The following CCDC88C variants were observed in gnomAD, a reference collection of about 807,000 sequenced individuals.
CCDC88C encodes the protein coiled-coil and HOOK domain protein 88C.
A neutral mutation model predicts 198.8 loss-of-function variants in CCDC88C; 131 were observed. The ratio of observed to expected loss-of-function variants is 0.66; its 90% CI spans 0.57 to 0.76. The LOEUF (loss-of-function observed/expected upper bound fraction) is 0.76, where lower values mean the gene tolerates loss of function less well. Ranked by LOEUF, CCDC88C falls within the 30% of genes least tolerant of loss-of-function variation. CCDC88C has a pLI of 0.00. For synonymous variants in CCDC88C, 1,166 were observed against 1,114.7 expected, an observed-to-expected ratio of 1.05 and a Z score of -0.92; for missense variants, 2,553 against 2,631.6, an observed-to-expected ratio of 0.97 and a Z score of 0.65.
At chr14:91,417,452 G>A (rs1011203193) in intron 1 of CCDC88C, 179 bp downstream of exon 1, 1 of 580,966 alleles carries the variant, frequency 1.7e-6, no homozygotes, top group Non-Finnish European at 3.0e-6. Flanking sequence ...GCCGGCTCCA[G>A]AGTTACAAAG....
intron 6 of CCDC88C, among the ~76,000 whole-genome samples, chr14:91,341,217 C>T (rs918049364): frequency 5.9e-5 from 9 of 152,088 alleles, no homozygotes; most frequent in African/African-American, 1.4e-4. Flanking sequence ...ATTGAGAGGC[C>T]GGTTCTAGGC....
At chr14:91,417,554 G>A (rs1887132984) in intron 1 of CCDC88C, 77 bp downstream of exon 1, 2 of 1,392,780 alleles carry the variant, frequency 1.4e-6, no homozygotes, top group South Asian at 1.3e-5. Flanking sequence ...CGGCCGTGTC[G>A]GGTCTGCGGC....
chr14:91,377,556 G>C (rs1403012262), intron 3 of CCDC88C, among the ~76,000 whole-genome samples: 1 of 152,088 alleles, frequency 6.6e-6, no homozygotes, highest in Non-Finnish European at 1.5e-5. Flanking sequence ...CCCCCCCCCG[G>C]TGCCACTTCA....
chr14:91,311,050 C>T (rs920347076), intron 15 of CCDC88C, among the ~76,000 whole-genome samples: 4 of 152,190 alleles, frequency 2.6e-5, no homozygotes, highest in Admixed American at 1.3e-4. Flanking sequence ...CATTCAGCTG[C>T]CCTTTCACCT....
intron 3 of CCDC88C, among the ~76,000 whole-genome samples, chr14:91,383,592 G>A (rs925769738): frequency 3.9e-5 from 6 of 152,192 alleles, no homozygotes; most frequent in Admixed American, 1.3e-4. Context: ...GATACTCCAC[G>A]AGGTATCGGT....
At chr14:91,302,181 A>G (rs1458194283) in intron 20 of CCDC88C, among the ~76,000 whole-genome samples, 1 of 152,208 alleles carries the variant, frequency 6.6e-6, no homozygotes, top group Non-Finnish European at 1.5e-5. Context: ...TTTGTGATTC[A>G]ATGACATTTG....
intron 22 of CCDC88C, among the ~76,000 whole-genome samples, chr14:91,295,147 C>A (rs945309810): frequency 2.0e-5 from 3 of 152,200 alleles, no homozygotes; most frequent in Non-Finnish European, 4.4e-5. Context: ...GCTGTCCCCT[C>A]CTCTTCACCC....
chr14:91,276,702 A>C (rs1274783938), intron 29 of CCDC88C, among the ~76,000 whole-genome samples: 4 of 152,240 alleles, frequency 2.6e-5, no homozygotes, highest in Non-Finnish European at 4.4e-5. Context: ...GGAAAGACTG[A>C]AAAAGGCTGA....
In CCDC88C at chr14:91,297,455, G is replaced by A. The variant is rs760112109; in HGVS notation, c.3816C>T (p.Tyr1272=). ...CCTTGGTGTGGGCGTGCAGCTCCTC[G>A]TACTCCCCCTTCAGCTGGTGGTGCA... is the stretch of plus-strand genomic sequence containing the variant. ...NFLHHQLKGE[Y]EELHAHTKEL... is the part of the protein sequence containing the mutation. Residue 1272 remains tyrosine, a synonymous_variant, in exon 22 of 30, where the codon TAC becomes TAT. Transcript: ENST00000389857. 38 of 1,577,382 alleles carry A rather than the reference G, an allele frequency of 2.4e-5. No homozygotes were observed. Among genetic ancestry groups the A allele is most frequent in the African/African-American group, 1.6e-4 (12 of 74,084 alleles).
intron 3 of CCDC88C, among the ~76,000 whole-genome samples, chr14:91,401,803 T>C (rs983291906): frequency 6.6e-6 from 1 of 152,152 alleles, no homozygotes; most frequent in Non-Finnish European, 1.5e-5. Flanking sequence ...CTAAAGCAAA[T>C]GCCTCTTGTA....
Position 91,314,144 on chromosome 14 carries a change from C to A in CCDC88C, c.1672G>T (p.Asp558Tyr), listed in dbSNP as rs1386968946. 3.7e-6 allele frequency: 6 copies of A among 1,607,560 alleles called. No individual in the cohort carries two copies. The highest frequency in any genetic ancestry group is 4.2e-6 in the Non-Finnish European group (5 of 1,177,534). Reference sequence around the variant, plus strand: ...AGGTGGTCCTTTTCCTGCTCAAGGTCCTTGATCTACGGGAAAACACAACAG... The same window carrying A: ...AGGTGGTCCTTTTCCTGCTCAAGGTACTTGATCTACGGGAAAACACAACAG... Reference protein sequence around the residue: ...LKADKARQIKDLEQEKDHLNR... With the variant: ...LKADKARQIKYLEQEKDHLNR... Residue 558 changes from aspartate (D) to tyrosine (Y), a missense_variant, in exon 15 of 30, where the codon GAC becomes TAC. This residue lies in a region of CCDC88C where 1,260 missense variants were observed against 1,412.0 expected (regional missense o/e 0.89). Coordinates refer to ENST00000389857, the MANE Select transcript of CCDC88C (RefSeq NM_001080414.4).
At chr14:91,302,865 G>A (rs1468377923) in intron 20 of CCDC88C, among the ~76,000 whole-genome samples, 1 of 152,180 alleles carries the variant, frequency 6.6e-6, no homozygotes, top group African/African-American at 2.4e-5. Flanking sequence ...CGGAGCCGTG[G>A]AGAATTCCCT....
intron 13 of CCDC88C, among the ~76,000 whole-genome samples, chr14:91,319,035 G>C (rs1245731530): frequency 6.6e-6 from 1 of 152,124 alleles, no homozygotes; most frequent in Non-Finnish European, 1.5e-5. Context: ...AGGTTGGAGA[G>C]GGAAATTCAG....
At position 91,338,104 on chromosome 14, in the gene CCDC88C, G is replaced by T. The variant is rs1163714767; in HGVS notation, c.951C>A (p.Ser317=). Residue 317 remains serine (S), a synonymous_variant, in exon 10 of 30, where the codon TCC becomes TCA. Transcript: ENST00000389857. This position sits in a 1 kb window ranked among gnomAD's most constrained non-coding sequence, Gnocchi z 4.8. ...CCACGCGGTTCGCCTTCTCCCGCAG[G>T]GAATCCAGCTCGTCTCGATAGGCAC... is the stretch of plus-strand genomic sequence containing the variant. The part of the protein sequence containing the change: ...SARAYRDELD[S]LREKANRVER... 6.2e-7 allele frequency: 1 copy of T among 1,613,938 alleles called. No individual in the cohort carries two copies. Among genetic ancestry groups the T allele is most frequent in the Admixed American group, 1.7e-5 (1 of 60,028 alleles).
chr14:91,387,602 T>C (rs1181840809), intron 3 of CCDC88C, among the ~76,000 whole-genome samples: 2 of 152,144 alleles, frequency 1.3e-5, no homozygotes, highest in African/African-American at 4.8e-5. Context: ...ACAAAGGCAC[T>C]AGGAGGCAGA....
At chr14:91,358,821 TCA>T (rs976895568) in intron 4 of CCDC88C, among the ~76,000 whole-genome samples, 17 of 152,018 alleles carry the variant, frequency 1.1e-4, no homozygotes, top group African/African-American at 4.1e-4. Flanking sequence ...TCTTTCAAAC[TCA>T]CACTGAGCGT....
rs1890562113 is a variant in CCDC88C, at chr14:91,289,334, G to T, written c.4212C>A (p.His1404Gln). The T allele has an allele frequency of 3.1e-6, 5 of 1,613,856 alleles. No homozygotes were observed. Among genetic ancestry groups the T allele is most frequent in the Non-Finnish European group, 4.2e-6 (5 of 1,179,834 alleles). The change falls in exon 25 of 30, where the codon CAC becomes CAA. Residue 1404 changes from histidine to glutamine, a missense_variant. His to Gln is a conservative substitution (Grantham distance 24). Around this residue, in one of 2 missense-constraint regions of CCDC88C, gnomAD observed 1,293 missense variants for 1,219.6 expected, o/e 1.06. Transcript: ENST00000389857. ...TGACTAAGGCTTTGGCTCCAATCCA[G>T]TGGTTCTTCCTGGTTAGAAGTAGAT... ...FYDPPPKKKN[H>Q]WIGAKALVKL...
chr14:91,372,008 C>G (rs1050666787), intron 3 of CCDC88C, among the ~76,000 whole-genome samples: 8 of 152,182 alleles, frequency 5.3e-5, no homozygotes, highest in Admixed American at 3.3e-4. Context: ...AACCTGAGCC[C>G]AGGCCTCAGG....
intron 3 of CCDC88C, among the ~76,000 whole-genome samples, chr14:91,362,914 G>C (rs2139910620): frequency 6.6e-6 from 1 of 151,082 alleles, no homozygotes; most frequent in African/African-American, 2.4e-5. Flanking sequence ...GGGTGACAGA[G>C]CGAGACTCCA....
Sources: gnomAD v4.1 joint callset for allele counts (sites outside exome capture counted in the v4.1 genomes callset) on GRCh38, gnomAD v4.1.1 for gene constraint, gnomAD v4.1.1 regional missense constraint, Gnocchi (gnomAD v3.1) non-coding constraint, MANE v1.5 for transcripts, NCBI Gene and HGNC (gene_info 2026-07-23, HGNC 2026-07-21) for gene names.